Variants in SCN7A observed in about 807,000 individuals in gnomAD.
SCN7A encodes the protein sodium voltage-gated channel alpha subunit 7, also known as sodium channel protein type 7 subunit alpha.
A neutral mutation model predicts 155.2 loss-of-function variants in SCN7A; 138 were observed. The observed-to-expected ratio is 0.89, with a 90% CI of 0.77 to 1.02. SCN7A has a LOEUF of 1.02. SCN7A is among the 50% of genes least tolerant of loss of function. The pLI is 0.00. For missense variants in SCN7A, 2,058 were observed against 1,986.6 expected (o/e 1.04, Z -0.68); for synonymous variants, 693 against 649.0 (o/e 1.07, Z -1.03).
At chr2:166,484,157 A>C (rs1702993154) in intron 2 of SCN7A, among the ~76,000 whole-genome samples, 1 of 151,978 alleles carries the variant, frequency 6.6e-6, no homozygotes, top group Non-Finnish European at 1.5e-5. Flanking sequence ...AAGGCTATAA[A>C]ATCTGGCTTG....
At chr2:166,435,653 TAATTTTA>T (rs1701823762) in intron 15 of SCN7A, among the ~76,000 whole-genome samples, 1 of 152,162 alleles carries the variant, frequency 6.6e-6, no homozygotes, top group Non-Finnish European at 1.5e-5. Flanking sequence ...TGAGGCTATT[TAATTTTA>T]AATTTCTTGA....
At chr2:166,461,522 T>G (rs145363201) in intron 10 of SCN7A, among the ~76,000 whole-genome samples, 1 of 152,152 alleles carries the variant, frequency 6.6e-6, no homozygotes, top group East Asian at 1.9e-4. Context: ...TGGAACATGG[T>G]TGAATATTGA....
intron 21 of SCN7A, among the ~76,000 whole-genome samples, chr2:166,414,040 T>TA (rs1478459361): frequency 5.2e-5 from 4 of 77,346 alleles, no homozygotes; most frequent in African/African-American, 2.0e-4. Context: ...ATAAATATAT[T>TA]TATATATGTA....
chr2:166,405,669 T>C lies in SCN7A; in HGVS notation c.4960A>G (p.Ile1654Val). Residue 1654 changes from isoleucine to valine, a missense_variant, in exon 26 of 26, where the codon ATA (isoleucine) becomes GTA (valine). Physicochemically the swap from Ile to Val is conservative, Grantham distance 29 (BLOSUM62 3). Coordinates refer to ENST00000643258, the MANE Select transcript of SCN7A (RefSeq NM_002976.4). Reference protein sequence around the residue: ...NDKNTSDIHMIDGDRDVHATK... With the variant: ...NDKNTSDIHMVDGDRDVHATK... ...GCATGAACATCTCTGTCACCATCTA[T>C]CATATGAATATCTGATGTATTTTTG... is the stretch of plus-strand genomic sequence containing the variant. The C allele has an allele frequency of 6.2e-7, 1 of 1,612,968 alleles. No individual in the cohort carries two copies. Among genetic ancestry groups the C allele is most frequent in the Non-Finnish European group, 8.5e-7 (1 of 1,179,274 alleles).
chr2:166,475,936 G>A (rs1000946395), intron 3 of SCN7A, among the ~76,000 whole-genome samples: 1 of 151,864 alleles, frequency 6.6e-6, no homozygotes, highest in Non-Finnish European at 1.5e-5. Flanking sequence ...CTTTGGTTTT[G>A]TCTTCAATAA....
intron 3 of SCN7A, among the ~76,000 whole-genome samples, chr2:166,475,127 T>TAC (rs1559125365): frequency 7.4e-6 from 1 of 135,044 alleles, no homozygotes; most frequent in Admixed American, 7.5e-5. Flanking sequence ...TATACATATA[T>TAC]ATATATATAT....
At chr2:166,418,818 C>A (rs564069695) in intron 20 of SCN7A, among the ~76,000 whole-genome samples, 5 of 152,208 alleles carry the variant, frequency 3.3e-5, no homozygotes, top group African/African-American at 1.2e-4. Context: ...GCACCTAAGA[C>A]CTTAAACTTA....
intron 2 of SCN7A, among the ~76,000 whole-genome samples, chr2:166,478,249 T>C (rs2105515626): frequency 6.6e-6 from 1 of 151,382 alleles, no homozygotes; most frequent in East Asian, 1.9e-4. Context: ...TGTATACATA[T>C]GTAACAAACC....
intron 18 of SCN7A, among the ~76,000 whole-genome samples, chr2:166,426,030 CA>C (rs1396874117): frequency 5.3e-5 from 8 of 152,036 alleles, no homozygotes; most frequent in African/African-American, 1.9e-4. Flanking sequence ...TCATGTTAAT[CA>C]GACCTGATGA....
intron 3 of SCN7A, 53 bp from the exon 4 acceptor site, chr2:166,474,397 T>A (rs1004289785): frequency 1.5e-6 from 1 of 686,122 alleles, no homozygotes; most frequent in Non-Finnish European, 2.3e-6. Context: ...CATAATCTCA[T>A]CAATTATGCA....
intron 15 of SCN7A, among the ~76,000 whole-genome samples, chr2:166,440,254 T>C (rs573309755): frequency 1.3e-5 from 2 of 152,230 alleles, no homozygotes; most frequent in Non-Finnish European, 2.9e-5. Context: ...TCTCTAAGAA[T>C]GGATTCTAGG....
chr2:166,430,392 A>C (rs1192341695), intron 16 of SCN7A, among the ~76,000 whole-genome samples: 3 of 151,902 alleles, frequency 2.0e-5, no homozygotes, highest in East Asian at 3.9e-4. Context: ...TATATTCTTT[A>C]TTTATTTCTA....
intron 12 of SCN7A, 76 bp from the exon 13 acceptor site, chr2:166,445,076 G>C: frequency 1.2e-6 from 1 of 855,222 alleles, no homozygotes; most frequent in Non-Finnish European, 1.9e-6. Flanking sequence ...AGCACTTTGG[G>C]AAGCCGAGGT....
Position 166,477,545 on chromosome 2 carries a change from G to C in SCN7A, c.152C>G (p.Pro51Arg). 1 of 1,566,256 alleles carries C rather than the reference G, an allele frequency of 6.4e-7. No individual in the cohort carries two copies. Among genetic ancestry groups the C allele is most frequent in the Non-Finnish European group, 8.7e-7 (1 of 1,153,454 alleles). Reference sequence around the variant, plus strand: ...TTGAGAAAGGTTTCCATAAATAAATGGAAGCTTTTTGCCAACTTCCAAATC... The same window carrying C: ...TTGAGAAAGGTTTCCATAAATAAATCGAAGCTTTTTGCCAACTTCCAAATC... ...TPDLEVGKKL[P>R]FIYGNLSQGM... The change falls in exon 3 of 26, where the codon CCA becomes CGA. Residue 51 changes from proline to arginine, a missense_variant. Pro to Arg is a moderately radical substitution (Grantham distance 103, BLOSUM62 -2). Coordinates refer to ENST00000643258, the MANE Select transcript of SCN7A (RefSeq NM_002976.4).
At chr2:166,416,385 T>C (rs185959496) in intron 21 of SCN7A, among the ~76,000 whole-genome samples, 16 of 152,246 alleles carry the variant, frequency 1.1e-4, no homozygotes, top group African/African-American at 2.6e-4. Flanking sequence ...TAATAAAAAC[T>C]TGCTGGCTTT....
At chr2:166,408,213 G>T (rs558752849) in intron 25 of SCN7A, among the ~76,000 whole-genome samples, 3 of 151,958 alleles carry the variant, frequency 2.0e-5, no homozygotes, top group East Asian at 3.9e-4. Context: ...ACACTTTGTG[G>T]ATCATGCCAT....
At chr2:166,431,840 G>GC (rs1701737696) in intron 16 of SCN7A, among the ~76,000 whole-genome samples, 1 of 151,992 alleles carries the variant, frequency 6.6e-6, no homozygotes, top group Non-Finnish European at 1.5e-5. Context: ...ATTTTAGCAA[G>GC]CAAGAAGGAA....
At chr2:166,440,449 C>G (rs906331265) in intron 15 of SCN7A, 4 of 152,096 alleles carry the variant, frequency 2.6e-5, no homozygotes, top group Non-Finnish European at 1.5e-5. Flanking sequence ...TTCTAACCAC[C>G]TCCCACGTGA....
At chr2:166,423,195 A>G in intron 19 of SCN7A, 64 bp downstream of exon 19, 1 of 1,489,878 alleles carries the variant, frequency 6.7e-7, no homozygotes, top group Non-Finnish European at 9.1e-7. Context: ...ACAGGAAGTG[A>G]AAGAGTAAGA....
Sources: allele counts gnomAD v4.1 joint callset (sites outside exome capture counted in the v4.1 genomes callset), GRCh38; gene constraint gnomAD v4.1.1; transcripts MANE v1.5; gene names NCBI Gene and HGNC (gene_info 2026-07-23, HGNC 2026-07-21).